PCDHGA7: variants seen among roughly 807,000 people sequenced by gnomAD.
The protein encoded by PCDHGA7 is protocadherin gamma-A7.
In PCDHGA7, 44 loss-of-function variants were observed where a neutral mutation model predicts 58.3. The ratio of observed to expected loss-of-function variants is 0.75; its 90% confidence interval spans 0.59 to 0.97. The LOEUF (loss-of-function observed/expected upper bound fraction) is 0.97. Among genes scored for constraint, PCDHGA7 ranks in the 50% least tolerant of loss-of-function variants. The probability of loss-of-function intolerance (pLI) is 0.00; values close to 1 mark genes in which losing one functional copy is unlikely to be tolerated. For synonymous variants in PCDHGA7, 516 were observed against 504.2 expected (o/e 1.02, Z -0.31); for missense variants, 1,266 against 1,188.7 (o/e 1.06, Z -0.96).
intron 1 of PCDHGA7, among the ~76,000 whole-genome samples, chr5:141,405,997 C>T (rs1589599248): frequency 6.6e-6 from 1 of 151,926 alleles, no homozygotes; most frequent in Non-Finnish European, 1.5e-5. Context: ...TAGCTCTCAG[C>T]CTGCATTGAT....
Position 141,476,369 on chromosome 5 carries a change from G to A in PCDHGA7, c.2425-18438G>A, listed in dbSNP as rs1178923246. 1.9e-6 allele frequency: 3 copies of A among 1,614,098 alleles called. No homozygotes were observed. The African/African-American group carries it at 4.0e-5, about 22-fold the overall frequency. ...CTTTGAGGTGAACCGGGAGACCGGA[G>A]AGATGTTTGTGAACGACCGTCTGGA... On this transcript the variant is annotated intron_variant, in intron 1 of 3. Transcript: ENST00000518325. This position sits in a 1 kb window ranked among gnomAD's most constrained non-coding sequence, Gnocchi z 7.6.
At chr5:141,445,364 C>T (rs1374418361) in intron 1 of PCDHGA7, among the ~76,000 whole-genome samples, 1 of 152,158 alleles carries the variant, frequency 6.6e-6, no homozygotes, top group African/African-American at 2.4e-5. Flanking sequence ...CAAGTCTGGT[C>T]CTGGGTGGTT....
At chr5:141,495,065 T>C (rs1413025171) in intron 2 of PCDHGA7, among the ~76,000 whole-genome samples, 200 bp downstream of exon 2, 1 of 152,148 alleles carries the variant, frequency 6.6e-6, no homozygotes, top group Admixed American at 6.5e-5. Flanking sequence ...TTCAGGAAGC[T>C]CAATTCACAT....
intron 1 of PCDHGA7, among the ~76,000 whole-genome samples, chr5:141,479,846 C>A (rs1350909064): frequency 1.3e-5 from 2 of 152,194 alleles, no homozygotes; most frequent in Admixed American, 6.5e-5. Context: ...TGCAAGGTGA[C>A]TGCAAGGCCT....
intron 1 of PCDHGA7, chr5:141,390,391 T>C: frequency 7.1e-7 from 1 of 1,399,002 alleles, no homozygotes; most frequent in Non-Finnish European, 9.8e-7. Flanking sequence ...ATGTCATGGA[T>C]CATTTTAGGA....
intron 3 of PCDHGA7, among the ~76,000 whole-genome samples, chr5:141,509,353 C>A (rs2099876446): frequency 6.6e-6 from 1 of 152,170 alleles, no homozygotes; most frequent in Non-Finnish European, 1.5e-5. Context: ...CTGGCCTGGG[C>A]ATCCCTGAGG....
chr5:141,485,858 C>A lies in PCDHGA7; in HGVS notation c.2425-8949C>A, dbSNP rs1431906047. 8.1e-6 allele frequency: 13 copies of A among 1,614,162 alleles called. No individual in the cohort carries two copies. The South Asian group carries it at 1.4e-4, about 18-fold the overall frequency. ...GCCGAGATCTGGCACCGCAGAGCTC[C>A]GGGTATCCGTGCTGGACGTAAACGA... On this transcript the variant is annotated intron_variant, in intron 1 of 3. Coordinates refer to ENST00000518325, the MANE Select transcript of PCDHGA7 (RefSeq NM_018920.4). This position sits in a 1 kb window ranked among gnomAD's most constrained non-coding sequence, Gnocchi z 5.7.
At chr5:141,387,967 C>A in intron 1 of PCDHGA7, 1 of 1,489,224 alleles carries the variant, frequency 6.7e-7, no homozygotes, top group Non-Finnish European at 9.0e-7. Context: ...TTCTGCCCGG[C>A]GCTCTGTGAG....
intron 1 of PCDHGA7, chr5:141,395,133 A>G (rs760451747): frequency 1.2e-6 from 2 of 1,614,192 alleles, no homozygotes; most frequent in Non-Finnish European, 8.5e-7. Context: ...TCCCCAGCCC[A>G]ACTACGCAGA....
At chr5:141,423,424 T>C in intron 1 of PCDHGA7, 1 of 1,614,004 alleles carries the variant, frequency 6.2e-7, no homozygotes, top group Non-Finnish European at 8.5e-7. Flanking sequence ...TGAAGGCGGG[T>C]TGGCAGGTAT....
At chr5:141,483,918 T>G (rs2099588800) in intron 1 of PCDHGA7, among the ~76,000 whole-genome samples, 1 of 150,512 alleles carries the variant, frequency 6.6e-6, no homozygotes, top group Non-Finnish European at 1.5e-5. Flanking sequence ...CCACTCAGAT[T>G]GCAGGTCGTA....
At chr5:141,443,953 T>C (rs1373953428) in intron 1 of PCDHGA7, among the ~76,000 whole-genome samples, 1 of 152,142 alleles carries the variant, frequency 6.6e-6, no homozygotes, top group Non-Finnish European at 1.5e-5. Context: ...CTTATTGGTA[T>C]GTATTCTGTG....
In PCDHGA7 at chr5:141,485,222, C is replaced by A; in HGVS notation, c.2425-9585C>A. The A allele has an allele frequency of 6.2e-7, 1 of 1,614,196 alleles. No homozygotes were observed. The highest frequency in any genetic ancestry group is 8.5e-7 in the Non-Finnish European group (1 of 1,180,020). On this transcript the variant is annotated intron_variant, in intron 1 of 3. Transcript: ENST00000518325. This position sits in a 1 kb window ranked among gnomAD's most constrained non-coding sequence, Gnocchi z 5.7. ...GACAGAAATCTGGCGGTGGGCTACC[C>A]TTTTGTTCCTCTTTTACCACCTGGG...
chr5:141,507,023 C>T (rs971356315), intron 3 of PCDHGA7: 16 of 152,348 alleles, frequency 1.1e-4, no homozygotes, highest in African/African-American at 2.4e-4. Flanking sequence ...AAGGCACTTG[C>T]CCCAGGGTCC....
At chr5:141,452,193 G>A (rs764434048) in intron 1 of PCDHGA7, among the ~76,000 whole-genome samples, 3 of 151,990 alleles carry the variant, frequency 2.0e-5, no homozygotes, top group Admixed American at 6.6e-5. Context: ...ACCTCAAATT[G>A]TTTTAGATGT....
intron 1 of PCDHGA7, chr5:141,417,121 G>C (rs2096086482): frequency 6.6e-6 from 1 of 152,110 alleles, no homozygotes; most frequent in Non-Finnish European, 1.5e-5. Context: ...GGACACCCTG[G>C]ATGATGGTAA....
chr5:141,491,247 G>A lies in PCDHGA7; in HGVS notation c.2425-3560G>A, dbSNP rs1356752106. ...CAGTGCTGCTGGTTCTGGAGGATGA[G>A]GACCCTGAGGAAATGCCCAAATCCA... On this transcript the variant is annotated intron_variant, in intron 1 of 3. Coordinates refer to ENST00000518325, the MANE Select transcript of PCDHGA7 (RefSeq NM_018920.4). The surrounding 1 kb of genome is among the most constrained non-coding windows in gnomAD (Gnocchi z 6.9). The A allele has an allele frequency of 3.2e-5, 51 of 1,614,192 alleles. No individual in the cohort carries two copies. The highest frequency in any genetic ancestry group is 4.3e-5 in the Non-Finnish European group (51 of 1,180,018).
At chr5:141,418,357 G>T (rs375883635) in intron 1 of PCDHGA7, 2 of 1,613,864 alleles carry the variant, frequency 1.2e-6, no homozygotes, top group African/African-American at 2.7e-5. Flanking sequence ...GTATGAATTC[G>T]CTGAGCAAAT....
chr5:141,402,973 C>G (rs779898665), intron 1 of PCDHGA7: 1 of 1,607,926 alleles, frequency 6.2e-7, no homozygotes. Context: ...CAACCAAATG[C>G]CAGCTCCGCG....
Sources: allele counts gnomAD v4.1 joint callset (sites outside exome capture counted in the v4.1 genomes callset), GRCh38; gene constraint gnomAD v4.1.1; non-coding constraint Gnocchi (gnomAD v3.1); transcripts MANE v1.5; gene names NCBI Gene and HGNC (gene_info 2026-07-23, HGNC 2026-07-21).